The following RBBP4 variants were observed in gnomAD, a reference collection of about 807,000 sequenced individuals.
RBBP4 encodes the protein RB binding protein 4, chromatin remodeling factor.
RBBP4 carries 3 observed loss-of-function variants against 57.2 expected under a neutral mutation model. The observed-to-expected ratio is 0.05, with a 90% CI of 0.02 to 0.14. The LOEUF (loss-of-function observed/expected upper bound fraction) is 0.14, where lower values mean the gene tolerates loss of function less well. Among genes scored for constraint, RBBP4 ranks in the 10% least tolerant of loss-of-function variants. The pLI, the probability that RBBP4 is intolerant of heterozygous loss-of-function variation, is 1.00. For missense variants in RBBP4, 107 were observed against 520.6 expected (o/e 0.21, Z 7.73); for synonymous variants, 151 against 171.5 (o/e 0.88, Z 0.93).
At position 32,672,503 on chromosome 1, in the gene RBBP4, C is replaced by T. The variant is rs1449252174; in HGVS notation, c.1020C>T (p.Arg340=). The T allele has an allele frequency of 1.2e-6, 2 of 1,610,740 alleles. No homozygotes were observed. The highest frequency in any genetic ancestry group is 1.7e-6 in the Non-Finnish European group (2 of 1,177,148). The change falls in exon 9 of 12, where the codon CGC becomes CGT. Residue 340 remains arginine, a synonymous_variant. Transcript: ENST00000373493. The part of the protein sequence containing the change: ...ETILASSGTD[R]RLNVWDLSKI... ...TTTTAGCTTCCAGTGGTACTGATCG[C>T]AGACTGAATGTCTGGGATTTAAGGT...
In RBBP4 at chr1:32,680,719, G is replaced by C; in HGVS notation, c.*1014G>C. ...AAACACCAGTCTCTGGCTTCTAGAA[G>C]AGTCCTTCAGATGACAGTTGTTGTC... On this transcript the variant is annotated 3_prime_UTR_variant, in exon 12 of 12. Transcript: ENST00000373493. 1.7e-6 allele frequency: 1 copy of C among 580,486 alleles called. No homozygotes were observed. Among genetic ancestry groups the C allele is most frequent in the East Asian group, 3.1e-5 (1 of 32,566 alleles). The allele number at this position is 580,486 out of a possible 1,614,324, so 36.0% of individuals were successfully genotyped here. A position where few individuals can be genotyped will look rare whatever the true frequency, so the allele number is the denominator to read the frequency against.
chr1:32,671,353 G>A (rs1186832967), intron 8 of RBBP4, among the ~76,000 whole-genome samples: 1 of 152,188 alleles, frequency 6.6e-6, no homozygotes, highest in Non-Finnish European at 1.5e-5. Flanking sequence ...GGGAGGCCGA[G>A]GCGGGTGGAT....
chr1:32,653,966 T>G (rs938823809), intron 2 of RBBP4, among the ~76,000 whole-genome samples: 1 of 152,018 alleles, frequency 6.6e-6, no homozygotes, highest in Non-Finnish European at 1.5e-5. Flanking sequence ...CCTAGAAGCT[T>G]CTTTATCATG....
intron 11 of RBBP4, among the ~76,000 whole-genome samples, chr1:32,677,709 G>C (rs1160486356): frequency 2.7e-4 from 2 of 7,422 alleles, no homozygotes; most frequent in Non-Finnish European, 8.5e-3. Context: ...GAATAGGATT[G>C]AGTTGTACAC....
chr1:32,681,721 A>G lies in RBBP4; in HGVS notation c.*2016A>G. On this transcript the variant is annotated 3_prime_UTR_variant, in exon 12 of 12. Coordinates refer to ENST00000373493, the MANE Select transcript of RBBP4 (RefSeq NM_005610.3). ...AGGTCAGCCAGTATTTGCAACTTCC[A>G]CAGGATGAATTGCTTGCCAAGTTTC... 6.7e-7 allele frequency: 1 copy of G among 1,492,318 alleles called. No individual in the cohort carries two copies. The highest frequency in any genetic ancestry group is 1.2e-5 in the South Asian group (1 of 86,468). 92.4% of individuals were successfully genotyped at this position (1,492,318 alleles called of 1,614,324 possible). A position where few individuals can be genotyped will look rare whatever the true frequency, so the allele number is the denominator to read the frequency against.
At chr1:32,678,250 T>C (rs928980166) in intron 11 of RBBP4, among the ~76,000 whole-genome samples, 6 of 152,162 alleles carry the variant, frequency 3.9e-5, no homozygotes, top group African/African-American at 1.4e-4. Context: ...CTGTTTTTTT[T>C]AGACGAAGTC....
chr1:32,671,038 G>C (rs1648853768), intron 8 of RBBP4, among the ~76,000 whole-genome samples: 1 of 152,028 alleles, frequency 6.6e-6, no homozygotes, highest in African/African-American at 2.4e-5. Context: ...CTCTTTTTCT[G>C]TACCTTAAGG....
At chr1:32,659,086 GTA>G (rs930412157) in intron 3 of RBBP4, among the ~76,000 whole-genome samples, 21 of 145,956 alleles carry the variant, frequency 1.4e-4, no homozygotes, top group Non-Finnish European at 2.8e-4. Flanking sequence ...AACTACATGT[GTA>G]TATATTTATA....
rs1363188130 is a variant in RBBP4, at chr1:32,681,221, G to A, written c.*1516G>A. 2 of 152,428 alleles carry A rather than the reference G, an allele frequency of 1.3e-5. No individual in the cohort carries two copies. Among genetic ancestry groups the A allele is most frequent in the Non-Finnish European group, 2.9e-5 (2 of 68,246 alleles). 9.4% of individuals were successfully genotyped at this position (152,428 alleles called of 1,614,324 possible). On this transcript the variant is annotated 3_prime_UTR_variant, in exon 12 of 12. Transcript: ENST00000373493. ...AGATCTTTGGGAAAATCTGAATAGC[G>A]TTAACCATTAGATTCAAATCTCAAA...
At chr1:32,678,540 TAAATA>T (rs939042647) in intron 11 of RBBP4, among the ~76,000 whole-genome samples, 1 of 135,496 alleles carries the variant, frequency 7.4e-6, no homozygotes, top group Non-Finnish European at 1.6e-5. Flanking sequence ...ACACCTTATA[TAAATA>T]AAATCCTAAA....
rs1648189827 is a variant in RBBP4 at position 32,657,353 on chromosome 1, A to G, written c.165-74A>G. 2.8e-6 allele frequency: 4 copies of G among 1,406,804 alleles called. No homozygotes were observed. In the South Asian group the frequency reaches 5.2e-5, roughly 18 times the overall value. The allele number at this position is 1,406,804 out of a possible 1,614,324, so 87.1% of individuals were successfully genotyped here. A position where few individuals can be genotyped will look rare whatever the true frequency, so the allele number is the denominator to read the frequency against. ...ACCTGGTTGTATTAGTGACTTTGAC[A>G]TACATGTATATTGTTGACTTCGCCG... On this transcript the variant is annotated intron_variant, in intron 2 of 11. Transcript: ENST00000373493.
chr1:32,675,088 T>C (rs1048613708), intron 11 of RBBP4, among the ~76,000 whole-genome samples: 3 of 151,178 alleles, frequency 2.0e-5, no homozygotes, highest in African/African-American at 7.3e-5. Context: ...TGGAGTGCAA[T>C]GGTGCGATCT....
chr1:32,668,684 G>A lies in RBBP4; in HGVS notation c.485-55G>A. ...CTTGACCAAAATTCCATTATGCTCAGTAGGCCCAGAGAGCCAGTGGACTGG... is the reference window on the plus strand; with the variant it reads ...CTTGACCAAAATTCCATTATGCTCAATAGGCCCAGAGAGCCAGTGGACTGG... On this transcript the variant is annotated intron_variant, in intron 4 of 11. Coordinates refer to ENST00000373493, the MANE Select transcript of RBBP4 (RefSeq NM_005610.3). The A allele has an allele frequency of 3.5e-6, 5 of 1,409,220 alleles. No individual in the cohort carries two copies. The Admixed American group carries it at 8.6e-5, about 24-fold the overall frequency. The allele number at this position is 1,409,220 out of a possible 1,614,324, so 87.3% of individuals were successfully genotyped here. A position where few individuals can be genotyped will look rare whatever the true frequency, so the allele number is the denominator to read the frequency against.
rs186818265 is a variant in RBBP4 at position 32,657,374 on chromosome 1, C to T, written c.165-53C>T. ...TGACATACATGTATATTGTTGACTT[C>T]GCCGTCTCCTGATGTTACTAATTTG... On this transcript the variant is annotated intron_variant, in intron 2 of 11. Coordinates refer to ENST00000373493, the MANE Select transcript of RBBP4 (RefSeq NM_005610.3). The T allele has an allele frequency of 6.1e-3, 9,364 of 1,543,320 alleles. 42 individuals are homozygous for T. The highest frequency in any genetic ancestry group is 7.4e-3 in the Non-Finnish European group (8,328 of 1,127,768).
chr1:32,674,889 G>A (rs999576734), intron 11 of RBBP4, among the ~76,000 whole-genome samples: 25 of 151,504 alleles, frequency 1.7e-4, no homozygotes, highest in East Asian at 1.2e-3. Flanking sequence ...CACCATGCCC[G>A]GCTAGTTTTT....
intron 11 of RBBP4, among the ~76,000 whole-genome samples, chr1:32,678,308 C>T (rs1649203995): frequency 6.6e-6 from 1 of 151,760 alleles, no homozygotes; most frequent in Non-Finnish European, 1.5e-5. Context: ...CTCACTGCAA[C>T]CTCCGCCTCC....
Position 32,682,105 on chromosome 1 carries a change from G to A in RBBP4, c.*2400G>A, listed in dbSNP as rs1241766074. On this transcript the variant is annotated 3_prime_UTR_variant, in exon 12 of 12. Transcript: ENST00000373493. ...GTATAATTACAATGCCTGAAATTCT[G>A]TAGTTTCATTTCTTTGGATTAGTCG... The A allele has an allele frequency of 2.0e-6, 1 of 494,284 alleles. No individual in the cohort carries two copies. Among genetic ancestry groups the A allele is most frequent in the African/African-American group, 1.9e-5 (1 of 51,350 alleles). 30.6% of individuals were successfully genotyped at this position (494,284 alleles called of 1,614,324 possible). A position where few individuals can be genotyped will look rare whatever the true frequency, so the allele number is the denominator to read the frequency against.
At chr1:32,651,855 C>A in intron 1 of RBBP4, 59 bp from the exon 2 acceptor site, 1 of 1,558,484 alleles carries the variant, frequency 6.4e-7, no homozygotes, top group Non-Finnish European at 8.7e-7. Context: ...GGTGGCTTTG[C>A]AGAGGATTAC....
intron 3 of RBBP4, among the ~76,000 whole-genome samples, chr1:32,658,039 G>A (rs1233837356): frequency 1.3e-5 from 2 of 152,038 alleles, no homozygotes; most frequent in African/African-American, 4.8e-5. Context: ...TTTTAGTGGA[G>A]ACAGGGTTTC....
Sources: allele counts gnomAD v4.1 joint callset (sites outside exome capture counted in the v4.1 genomes callset), GRCh38; gene constraint gnomAD v4.1.1; transcripts MANE v1.5; gene names NCBI Gene and HGNC (gene_info 2026-07-23, HGNC 2026-07-21).